DCTD: variants seen among roughly 807,000 people sequenced by gnomAD.
The protein encoded by DCTD is dCMP deaminase, also known as deoxycytidylate deaminase.
A neutral mutation model predicts 21.0 loss-of-function variants in DCTD; 23 were observed. The ratio of observed to expected loss-of-function variants is 1.09; its 90% CI spans 0.79 to 1.55. The LOEUF is 1.55. Ranked by LOEUF, DCTD falls within the 40% of genes most tolerant of loss-of-function variation. The pLI is 0.00. For synonymous variants in DCTD, 71 were observed against 81.1 expected (o/e 0.88, Z 0.67); for missense variants, 224 against 230.0 (o/e 0.97, Z 0.17).
At chr4:182,915,404 G>A in intron 2 of DCTD, 57 bp downstream of exon 2, 1 of 1,152,048 alleles carries the variant, frequency 8.7e-7, no homozygotes, top group Non-Finnish European at 1.3e-6. Flanking sequence ...TTCTGCTCAT[G>A]TGCAGTAATC....
At chr4:182,894,655 G>A (rs1197361125) in intron 3 of DCTD, 50 bp from the exon 4 acceptor site, 3 of 1,132,480 alleles carry the variant, frequency 2.6e-6, no homozygotes, top group Non-Finnish European at 4.0e-6. Context: ...AGCTCATGAA[G>A]AATTTACTAA....
chr4:182,909,496 C>T (rs1193444332), intron 3 of DCTD, among the ~76,000 whole-genome samples: 3 of 152,210 alleles, frequency 2.0e-5, no homozygotes, highest in Non-Finnish European at 4.4e-5. Flanking sequence ...AGTAGAAGGC[C>T]AGGCAGGGGA....
At chr4:182,907,180 G>A (rs1736874036) in intron 3 of DCTD, among the ~76,000 whole-genome samples, 1 of 151,972 alleles carries the variant, frequency 6.6e-6, no homozygotes, top group Non-Finnish European at 1.5e-5. Flanking sequence ...CTGTCGTCTG[G>A]GATGGAGTTC....
chr4:182,917,300 C>A lies in DCTD; in HGVS notation c.-8+11G>T, dbSNP rs1418808395. On this transcript the variant is annotated intron_variant, in intron 1 of 5. Coordinates refer to ENST00000438320, the MANE Select transcript of DCTD (RefSeq NM_001921.3). The surrounding 1 kb of genome is among the most constrained non-coding windows in gnomAD (Gnocchi z 4.9). ...GCGGGCCGCGTACCCGCACGGCTGG[C>A]CCCCGCCCACCATCCGGTGCCGGCT... The A allele has an allele frequency of 7.5e-6, 8 of 1,073,216 alleles. No homozygotes were observed. Among genetic ancestry groups the A allele is most frequent in the Non-Finnish European group, 9.0e-6 (8 of 888,040 alleles). The allele number at this position is 1,073,216 out of a possible 1,614,324, so 66.5% of individuals were successfully genotyped here. A position where few individuals can be genotyped will look rare whatever the true frequency, so the allele number is the denominator to read the frequency against.
chr4:182,913,454 C>G (rs962657754), intron 3 of DCTD, among the ~76,000 whole-genome samples: 1 of 152,178 alleles, frequency 6.6e-6, no homozygotes, highest in African/African-American at 2.4e-5. Context: ...GAAGTTGCCC[C>G]TAGGCAATTT....
chr4:182,893,098 T>C lies in DCTD; in HGVS notation c.391A>G (p.Lys131Glu). 2 of 1,611,282 alleles carry C rather than the reference T, an allele frequency of 1.2e-6. No individual in the cohort carries two copies. Among genetic ancestry groups the C allele is most frequent in the Middle Eastern group, 3.3e-4 (2 of 6,056 alleles). Residue 131 changes from lysine (K) to glutamate (E), a missense_variant, in exon 5 of 6, where the codon AAA becomes GAA. Physicochemically the swap from Lys to Glu is moderately conservative, Grantham distance 56. Transcript: ENST00000438320. The stretch of plus-strand genomic sequence containing the variant: ...GTTGCCTCGTCACTATCATGGTATT[T>C]ATCAGACATGAAAATCACTTCTTTT... ...GIKEVIFMSD[K>E]YHDSDEATAA...
In DCTD at chr4:182,893,096, T is replaced by G. The variant is rs755963936; in HGVS notation, c.393A>C (p.Lys131Asn). 1.1e-5 allele frequency: 17 copies of G among 1,611,146 alleles called. No homozygotes were observed. The highest frequency in any genetic ancestry group is 8.4e-5 in the Admixed American group (5 of 59,804). ...CAGTTGCCTCGTCACTATCATGGTA[T>G]TTATCAGACATGAAAATCACTTCTT... ...GIKEVIFMSD[K>N]YHDSDEATAA... is the part of the protein sequence containing the mutation. The change falls in exon 5 of 6, where the codon AAA becomes AAC. Residue 131 changes from lysine to asparagine, a missense_variant. Lys to Asn is a moderately conservative substitution (Grantham distance 94, BLOSUM62 0). Transcript: ENST00000438320.
In DCTD at chr4:182,891,419, G is replaced by A; in HGVS notation, c.517C>T (p.Pro173Ser). The A allele has an allele frequency of 1.2e-6, 2 of 1,611,008 alleles. No homozygotes were observed. Among genetic ancestry groups the A allele is most frequent in the South Asian group, 2.2e-5 (2 of 91,014 alleles). The change falls in exon 6 of 6, where the codon CCG (proline) becomes TCG (serine). Residue 173 changes from proline to serine, a missense_variant. Pro to Ser is a moderately conservative substitution (Grantham distance 74). Coordinates refer to ENST00000438320, the MANE Select transcript of DCTD (RefSeq NM_001921.3). Reference protein sequence around the residue: ...VIDFDSINSRPSQKLQ With the variant: ...VIDFDSINSRSSQKLQ ...GTAACTCACTGAAGCTTTTGACTCGGTCTGCTGTTAATTGAATCAAAGTCA... is the reference window on the plus strand; with the variant it reads ...GTAACTCACTGAAGCTTTTGACTCGATCTGCTGTTAATTGAATCAAAGTCA...
At chr4:182,899,883 A>T (rs1735428340) in intron 3 of DCTD, among the ~76,000 whole-genome samples, 1 of 152,208 alleles carries the variant, frequency 6.6e-6, no homozygotes, top group African/African-American at 2.4e-5. Context: ...CAAAATGCTT[A>T]GGAGCAGAAT....
At chr4:182,902,460 A>C (rs1735907815) in intron 3 of DCTD, among the ~76,000 whole-genome samples, 1 of 152,174 alleles carries the variant, frequency 6.6e-6, no homozygotes, top group South Asian at 2.1e-4. Context: ...CTTCTCTAAG[A>C]TAGTTCCACC....
upstream of DCTD, chr4:182,917,592 T>A (rs555797308): frequency 7.1e-5 from 13 of 184,334 alleles, no homozygotes; most frequent in South Asian, 2.5e-3. The surrounding 1 kb of genome is among the most constrained non-coding windows in gnomAD (Gnocchi z 4.9). Flanking sequence ...CCGGCGGTGT[T>A]CAGAGCCCGA....
intron 3 of DCTD, among the ~76,000 whole-genome samples, chr4:182,909,587 G>A (rs993213903): frequency 5.9e-5 from 9 of 152,156 alleles, no homozygotes; most frequent in East Asian, 5.8e-4. Context: ...ACTGACTAAC[G>A]AAACCAGAGG....
chr4:182,896,096 C>T (rs3886767), intron 3 of DCTD, among the ~76,000 whole-genome samples: 2,404 of 152,336 alleles, frequency 0.016, 62 homozygotes, highest in African/African-American at 0.054. Context: ...ACCTTCTACA[C>T]GTAACACTTC....
chr4:182,899,032 A>AT (rs1735239527), intron 3 of DCTD, among the ~76,000 whole-genome samples: 1 of 152,296 alleles, frequency 6.6e-6, no homozygotes, highest in Admixed American at 6.5e-5. Context: ...GGGTCACCAT[A>AT]TATCTGCCAA....
intron 3 of DCTD, among the ~76,000 whole-genome samples, chr4:182,909,671 C>T (rs980681458): frequency 1.3e-5 from 2 of 152,208 alleles, no homozygotes; most frequent in Non-Finnish European, 2.9e-5. Flanking sequence ...GTGAGGAAGT[C>T]ATATCTTAAG....
chr4:182,907,478 C>G (rs1207244436), intron 3 of DCTD, among the ~76,000 whole-genome samples: 1 of 152,084 alleles, frequency 6.6e-6, no homozygotes, highest in Non-Finnish European at 1.5e-5. Flanking sequence ...CTTTTCTCAT[C>G]CAATGTCTTT....
intron 3 of DCTD, among the ~76,000 whole-genome samples, chr4:182,900,813 G>A (rs942453709): frequency 2.0e-5 from 3 of 151,470 alleles, no homozygotes; most frequent in Admixed American, 1.3e-4. Context: ...ATTGCCAGAA[G>A]AGACTTTCTG....
chr4:182,904,328 G>A (rs1736270511), intron 3 of DCTD, among the ~76,000 whole-genome samples: 1 of 152,206 alleles, frequency 6.6e-6, no homozygotes, highest in African/African-American at 2.4e-5. Context: ...TCCACGGTAG[G>A]CCATGCCAAC....
chr4:182,891,957 CTTTT>C (rs5864809), intron 5 of DCTD, among the ~76,000 whole-genome samples: 8 of 130,960 alleles, frequency 6.1e-5, no homozygotes, highest in Non-Finnish European at 1.3e-4. Context: ...CATAAACCAA[CTTTT>C]TTTTTTTTTT....
Sources: allele counts gnomAD v4.1 joint callset (sites outside exome capture counted in the v4.1 genomes callset), GRCh38; gene constraint gnomAD v4.1.1; non-coding constraint Gnocchi (gnomAD v3.1); transcripts MANE v1.5; gene names NCBI Gene and HGNC (gene_info 2026-07-23, HGNC 2026-07-21).